The following NCKAP1 variants were observed in gnomAD, a reference collection of about 807,000 sequenced individuals.
NCKAP1 encodes nck-associated protein 1.
In NCKAP1, 21 loss-of-function variants were observed where a neutral mutation model predicts 151.2. That is an observed-to-expected ratio of 0.14 (90% CI 0.10 to 0.20). NCKAP1 has a LOEUF of 0.20. Ranked by LOEUF, NCKAP1 falls within the 10% of genes least tolerant of loss-of-function variation. NCKAP1 has a pLI of 1.00. For synonymous variants in NCKAP1, 484 were observed against 451.8 expected, an observed-to-expected ratio of 1.07 and a Z score of -0.90; for missense variants, 933 against 1,352.1, an observed-to-expected ratio of 0.69 and a Z score of 4.86.
chr2:182,919,604 G>A lies in NCKAP1; in HGVS notation c.*6098C>T, dbSNP rs982989335. On this transcript the variant is annotated 3_prime_UTR_variant, in exon 31 of 31. Coordinates refer to ENST00000361354, the MANE Select transcript of NCKAP1 (RefSeq NM_013436.5). ...TATACATTGAATGCTATCAGTTCAA[G>A]GGTGAATATGCCTTCAGAATGCAAG... 10 of 151,568 alleles carry A rather than the reference G, an allele frequency of 6.6e-5. No homozygotes were observed. Among genetic ancestry groups the A allele is most frequent in the Non-Finnish European group, 7.4e-5 (5 of 67,914 alleles). 9.4% of individuals were successfully genotyped at this position (151,568 alleles called of 1,614,324 possible). A position where few individuals can be genotyped will look rare whatever the true frequency, so the allele number is the denominator to read the frequency against.
In NCKAP1 at chr2:182,956,358, A is replaced by G. The variant is rs1697327786; in HGVS notation, c.2153+104T>C. The G allele has an allele frequency of 4.2e-6, 6 of 1,420,504 alleles. 1 individual carries two copies. The South Asian group carries it at 7.7e-5, about 18-fold the overall frequency. The allele number at this position is 1,420,504 out of a possible 1,614,324, so 88.0% of individuals were successfully genotyped here. On this transcript the variant is annotated intron_variant, in intron 20 of 30. Transcript: ENST00000361354. ...CCCGGCCCGGTTCATTATTCTTAAC[A>G]CTAATCCAGTTCTACTAATGCTTTT...
intron 20 of NCKAP1, among the ~76,000 whole-genome samples, chr2:182,954,825 T>C (rs1315709275): frequency 1.3e-5 from 2 of 151,844 alleles, no homozygotes; most frequent in East Asian, 3.9e-4. Flanking sequence ...ATAAAAAATC[T>C]TTCCAAGGTA....
At chr2:182,984,566 T>TGTGTGTGTGTGTGTGTGTGTGTG (rs1324069144) in intron 10 of NCKAP1, among the ~76,000 whole-genome samples, 1 of 151,706 alleles carries the variant, frequency 6.6e-6, no homozygotes. Flanking sequence ...CTACATGACC[T>TGTGTGTGTGTGTGTGTGTGTGTG]TAGGTTCCAA....
chr2:182,948,220 A>C (rs991114750), intron 23 of NCKAP1, among the ~76,000 whole-genome samples: 3 of 151,734 alleles, frequency 2.0e-5, no homozygotes, highest in Admixed American at 2.0e-4. Flanking sequence ...AAAAAATATT[A>C]CTACAATATT....
At chr2:183,031,093 T>C (rs567738344) in intron 1 of NCKAP1, among the ~76,000 whole-genome samples, 1 of 152,212 alleles carries the variant, frequency 6.6e-6, no homozygotes, top group South Asian at 2.1e-4. Context: ...AATAACTACC[T>C]CTTAATTGGA....
At chr2:182,927,149 A>AT (rs992764778) in intron 29 of NCKAP1, 8 of 342,674 alleles carry the variant, frequency 2.3e-5, no homozygotes, top group Non-Finnish European at 3.7e-5. Context: ...TTTAAAACTG[A>AT]TTTTTTCAGA....
rs1158346499 is a variant in NCKAP1, at chr2:182,914,340, A to C, written c.*11362T>G. The C allele has an allele frequency of 6.6e-6, 1 of 152,226 alleles. No homozygotes were observed. Among genetic ancestry groups the C allele is most frequent in the Non-Finnish European group, 1.5e-5 (1 of 68,038 alleles). 9.4% of individuals were successfully genotyped at this position (152,226 alleles called of 1,614,324 possible). On this transcript the variant is annotated 3_prime_UTR_variant, in exon 31 of 31. Transcript: ENST00000361354. ...TATGTGAAATGGGGAAGGCAAGTGG[A>C]GGGAGCTGACGTTTTGGACTCTGGA...
chr2:182,910,511 C>T lies in NCKAP1; in HGVS notation c.*15191G>A, dbSNP rs1253780408. 1 of 152,340 alleles carries T rather than the reference C, an allele frequency of 6.6e-6. No individual in the cohort carries two copies. Among genetic ancestry groups the T allele is most frequent in the Non-Finnish European group, 1.5e-5 (1 of 68,092 alleles). 9.4% of individuals were successfully genotyped at this position (152,340 alleles called of 1,614,324 possible). On this transcript the variant is annotated 3_prime_UTR_variant, in exon 31 of 31. Coordinates refer to ENST00000361354, the MANE Select transcript of NCKAP1 (RefSeq NM_013436.5). ...CTGCCTCGGCAAAGAAAGTGCTTTT[C>T]TCCACTGGAACTGCAAAGGAGAATC... is the stretch of plus-strand genomic sequence containing the variant.
chr2:182,923,870 G>A lies in NCKAP1; in HGVS notation c.*1832C>T, dbSNP rs1696590809. 1 of 152,070 alleles carries A rather than the reference G, an allele frequency of 6.6e-6. No individual in the cohort carries two copies. Among genetic ancestry groups the A allele is most frequent in the Non-Finnish European group, 1.5e-5 (1 of 68,006 alleles). 9.4% of individuals were successfully genotyped at this position (152,070 alleles called of 1,614,324 possible). On this transcript the variant is annotated 3_prime_UTR_variant, in exon 31 of 31. Coordinates refer to ENST00000361354, the MANE Select transcript of NCKAP1 (RefSeq NM_013436.5). ...GAAAAAATTTGGACAAAAACTTCAG[G>A]TGACTATGAGGAGCGATTTTTTTCT...
intron 2 of NCKAP1, among the ~76,000 whole-genome samples, chr2:183,009,481 A>AGCAAGCAAGCAAGCAAGCAG (rs1553517577): frequency 6.7e-6 from 1 of 148,398 alleles, no homozygotes; most frequent in Admixed American, 6.6e-5. Context: ...GAAGGAAGCA[A>AGCAAGCAAGCAAGCAAGCAG]GCAAGCAAGC....
rs554250843 is a variant in NCKAP1 at position 183,013,824 on chromosome 2, CT to C, written c.219+9981del. Among the ~76,000 whole-genome samples, 22 of 152,316 alleles carry C rather than the reference CT, an allele frequency of 1.4e-4. No individual in the cohort carries two copies. The South Asian group carries it at 3.9e-3, about 27-fold the overall frequency. On this transcript the variant is annotated intron_variant, in intron 2 of 30. Transcript: ENST00000361354. ...CCACCGTCCCCTTCAATCATCTACT[CT>C]GCTCATAATGCCCTCCTTGTTCCTG...
chr2:182,977,192 T>G (rs2105848803), intron 14 of NCKAP1, among the ~76,000 whole-genome samples: 1 of 152,196 alleles, frequency 6.6e-6, no homozygotes, highest in East Asian at 1.9e-4. Flanking sequence ...AAATGTAGTA[T>G]CTAAATACAA....
chr2:183,028,382 A>G (rs1218527961), intron 1 of NCKAP1, among the ~76,000 whole-genome samples: 1 of 152,106 alleles, frequency 6.6e-6, no homozygotes, highest in Admixed American at 6.5e-5. Flanking sequence ...ATAAATTTAA[A>G]TATTTATATA....
intron 23 of NCKAP1, among the ~76,000 whole-genome samples, chr2:182,947,746 C>T (rs776978429): frequency 4.0e-5 from 6 of 148,984 alleles, no homozygotes; most frequent in Non-Finnish European, 7.4e-5. Context: ...TTTTATAGGA[C>T]GCTAAAAAAA....
intron 1 of NCKAP1, among the ~76,000 whole-genome samples, chr2:183,035,145 T>C (rs1699078035): frequency 6.6e-6 from 1 of 152,110 alleles, no homozygotes; most frequent in African/African-American, 2.4e-5. Context: ...AATTTAAATG[T>C]AAAGCTACCA....
intron 14 of NCKAP1, among the ~76,000 whole-genome samples, chr2:182,978,609 A>C (rs1233682407): frequency 1.3e-5 from 2 of 152,152 alleles, no homozygotes; most frequent in South Asian, 4.1e-4. Context: ...TGTTTTTGTT[A>C]CAAAATGCTT....
chr2:183,013,768 T>C (rs191143270), intron 2 of NCKAP1, among the ~76,000 whole-genome samples: 6 of 152,302 alleles, frequency 3.9e-5, no homozygotes, highest in African/African-American at 7.2e-5. Context: ...GATCTGCCTA[T>C]TCATTACAAC....
rs914815181 is a variant in NCKAP1, at chr2:183,038,171, C to T, written c.-72G>A. 117 of 1,116,146 alleles carry T rather than the reference C, an allele frequency of 1.0e-4. No homozygotes were observed. The highest frequency in any genetic ancestry group is 1.4e-4 in the Non-Finnish European group (117 of 819,764). 69.1% of individuals were successfully genotyped at this position (1,116,146 alleles called of 1,614,324 possible). A position where few individuals can be genotyped will look rare whatever the true frequency, so the allele number is the denominator to read the frequency against. On this transcript the variant is annotated 5_prime_UTR_variant, in exon 1 of 31. Coordinates refer to ENST00000361354, the MANE Select transcript of NCKAP1 (RefSeq NM_013436.5). ...ACGGGCCCGCGGCCTTCGCAGCAGCCTCTCTCGGGCCTCCTCCCCTCCCGC... is the reference window on the plus strand; with the variant it reads ...ACGGGCCCGCGGCCTTCGCAGCAGCTTCTCTCGGGCCTCCTCCCCTCCCGC...
At chr2:182,996,488 C>T (rs1000852843) in intron 6 of NCKAP1, among the ~76,000 whole-genome samples, 1 of 151,856 alleles carries the variant, frequency 6.6e-6, no homozygotes, top group African/African-American at 2.4e-5. Context: ...GACGGAGTCT[C>T]GCTCTTTTGC....
Sources: gnomAD v4.1 joint callset for allele counts (sites outside exome capture counted in the v4.1 genomes callset) on GRCh38, gnomAD v4.1.1 for gene constraint, MANE v1.5 for transcripts, NCBI Gene and HGNC (gene_info 2026-07-23, HGNC 2026-07-21) for gene names.